The following SAMD5 variants were observed in gnomAD, a reference collection of about 807,000 sequenced individuals.
SAMD5 encodes the protein sterile alpha motif domain containing 5, also known as sterile alpha motif domain-containing protein 5.
A neutral mutation model predicts 11.3 loss-of-function variants in SAMD5; 13 were observed. The ratio of observed to expected loss-of-function variants is 1.15; its 90% CI spans 0.75 to 1.83. SAMD5 has a LOEUF of 1.83. SAMD5 is among the 40% of genes most tolerant of loss of function. The pLI, the probability that SAMD5 is intolerant of heterozygous loss-of-function variation, is 0.00. For synonymous variants in SAMD5, 129 were observed against 111.3 expected (o/e 1.16, Z -1.00); for missense variants, 255 against 239.1 (o/e 1.07, Z -0.44).
chr6:147,659,259 T>TA (rs1306081551), intron 1 of SAMD5, among the ~76,000 whole-genome samples: 5 of 111,718 alleles, frequency 4.5e-5, no homozygotes, highest in African/African-American at 1.1e-4. Context: ...CTCAGTACAT[T>TA]TAAAAAAAAA....
intron 1 of SAMD5, among the ~76,000 whole-genome samples, chr6:147,510,360 T>C (rs893820405): frequency 6.6e-6 from 1 of 152,122 alleles, no homozygotes; most frequent in African/African-American, 2.4e-5. Context: ...GAGTAGAGGG[T>C]CCTGACTTGA....
intron 1 of SAMD5, among the ~76,000 whole-genome samples, chr6:147,681,805 C>T (rs1205006928): frequency 1.3e-5 from 2 of 152,138 alleles, no homozygotes; most frequent in African/African-American, 4.8e-5. Context: ...ATCACTTAGG[C>T]AGAACTCTTC....
intron 1 of SAMD5, among the ~76,000 whole-genome samples, chr6:147,651,496 G>A (rs973151214): frequency 1.3e-5 from 2 of 152,126 alleles, no homozygotes; most frequent in African/African-American, 4.8e-5. Flanking sequence ...AGGTTGATTA[G>A]GTCATGAGGG....
chr6:147,685,338 A>T (rs1362772328), intron 1 of SAMD5, among the ~76,000 whole-genome samples: 2 of 152,068 alleles, frequency 1.3e-5, no homozygotes, highest in African/African-American at 4.8e-5. Context: ...CTGGGATTAC[A>T]GGTGTTTGTA....
At chr6:147,602,533 C>A (rs1395775833) in intron 1 of SAMD5, among the ~76,000 whole-genome samples, 1 of 152,124 alleles carries the variant, frequency 6.6e-6, no homozygotes, top group East Asian at 1.9e-4. Flanking sequence ...CATCTGGGGT[C>A]AGGAGTTCAA....
At chr6:147,602,469 C>T (rs542220479) in intron 1 of SAMD5, among the ~76,000 whole-genome samples, 7 of 152,170 alleles carry the variant, frequency 4.6e-5, no homozygotes, top group African/African-American at 1.2e-4. Context: ...ATAGGCCAGG[C>T]GTGGTGGCTC....
intron 1 of SAMD5, among the ~76,000 whole-genome samples, chr6:147,657,849 A>G (rs1790593292): frequency 6.6e-6 from 1 of 152,144 alleles, no homozygotes; most frequent in South Asian, 2.1e-4. Context: ...TCACCTCCTA[A>G]TATCATCCCC....
At chr6:147,737,399 A>G (rs1417198929) in exon 2 of SAMD5, 2 of 1,139,052 alleles carry the variant, frequency 1.8e-6, no homozygotes, top group African/African-American at 3.2e-5. Flanking sequence ...ATCCCACGCT[A>G]TTACAGGATG....
chr6:147,737,419 A>C, exon 2 of SAMD5: 1 of 1,017,418 alleles, frequency 9.8e-7, no homozygotes, highest in South Asian at 1.4e-5. Flanking sequence ...GACTATAAGA[A>C]GATGTATTGA....
At chr6:147,527,264 G>A (rs188752298) in intron 1 of SAMD5, among the ~76,000 whole-genome samples, 1 of 152,124 alleles carries the variant, frequency 6.6e-6, no homozygotes, top group African/African-American at 2.4e-5. Flanking sequence ...TGTACAGGAA[G>A]CATGGCAACG....
At chr6:147,776,711 A>G in the SAMD5 span, among the ~76,000 whole-genome samples, 1 of 152,218 alleles carries the variant, frequency 6.6e-6, no homozygotes, top group African/African-American at 2.4e-5. Flanking sequence ...ACCTTTCATC[A>G]CAAGAATACT....
chr6:147,856,441 C>G, the SAMD5 span, among the ~76,000 whole-genome samples: 1 of 152,194 alleles, frequency 6.6e-6, no homozygotes, highest in South Asian at 2.1e-4. Context: ...GTTTGGCATA[C>G]CATTGTGATT....
At chr6:147,562,368 G>A (rs547755729) in intron 1 of SAMD5, among the ~76,000 whole-genome samples, 1 of 152,232 alleles carries the variant, frequency 6.6e-6, no homozygotes, top group African/African-American at 2.4e-5. Context: ...TTCTTCTCTT[G>A]GAAGTAGTCT....
the SAMD5 span, among the ~76,000 whole-genome samples, chr6:147,927,402 G>T: frequency 1.3e-5 from 2 of 152,088 alleles, no homozygotes; most frequent in African/African-American, 2.4e-5. Flanking sequence ...TGTATTCCTA[G>T]ATATTTTATT....
chr6:147,694,116 T>C (rs1791142406), intron 1 of SAMD5, among the ~76,000 whole-genome samples: 1 of 152,182 alleles, frequency 6.6e-6, no homozygotes, highest in Non-Finnish European at 1.5e-5. Flanking sequence ...TTTATTATGA[T>C]AGTGTGGAGT....
At chr6:147,938,984 A>G in the SAMD5 span, among the ~76,000 whole-genome samples, 1 of 152,194 alleles carries the variant, frequency 6.6e-6, no homozygotes, top group Non-Finnish European at 1.5e-5. Flanking sequence ...ACTAGGATCA[A>G]GTAACTAGGG....
chr6:147,812,483 C>T, the SAMD5 span, among the ~76,000 whole-genome samples: 5 of 152,020 alleles, frequency 3.3e-5, no homozygotes, highest in African/African-American at 9.6e-5. Context: ...TATGGAAATG[C>T]GAGCCCAGTC....
intron 1 of SAMD5, among the ~76,000 whole-genome samples, chr6:147,640,338 G>GA (rs548509658): frequency 1.4e-4 from 20 of 139,622 alleles, no homozygotes; most frequent in South Asian, 2.3e-4. Flanking sequence ...AAAAAAAAAA[G>GA]AAAAAAAAAA....
chr6:147,739,155 G>A (rs537676847), downstream of SAMD5, among the ~76,000 whole-genome samples: 7 of 152,338 alleles, frequency 4.6e-5, no homozygotes, highest in African/African-American at 1.4e-4. Flanking sequence ...GAGCAGGGCA[G>A]TGTTTCTAGT....
Sources: allele counts gnomAD v4.1 joint callset (sites outside exome capture counted in the v4.1 genomes callset), GRCh38; gene constraint gnomAD v4.1.1; transcripts MANE v1.5; gene names NCBI Gene and HGNC (gene_info 2026-07-23, HGNC 2026-07-21).